Variants in PDE4B observed in about 807,000 individuals in gnomAD.
The protein encoded by PDE4B is phosphodiesterase 4B, also known as 3',5'-cyclic-AMP phosphodiesterase 4B.
Under a neutral mutation model 82.2 loss-of-function variants are expected in PDE4B, and 20 were observed. The observed-to-expected ratio is 0.24, with a 90% CI of 0.17 to 0.35. PDE4B has a LOEUF of 0.35. Ranked by LOEUF, PDE4B falls within the 10% of genes least tolerant of loss-of-function variation. The probability of loss-of-function intolerance (pLI) is 1.00; values close to 1 mark genes in which losing one functional copy is unlikely to be tolerated. For synonymous variants in PDE4B, 320 were observed against 318.9 expected (o/e 1.00, Z -0.04); for missense variants, 655 against 907.2 (o/e 0.72, Z 3.57).
chr1:65,828,339 G>A (rs1400215554), intron 1 of PDE4B, among the ~76,000 whole-genome samples: 5 of 152,008 alleles, frequency 3.3e-5, no homozygotes, highest in African/African-American at 9.7e-5. Flanking sequence ...TCTGCCTCCC[G>A]GTTTCAAGCC....
intron 1 of PDE4B, among the ~76,000 whole-genome samples, chr1:65,899,520 A>G (rs930752430): frequency 4.6e-5 from 7 of 151,726 alleles, no homozygotes; most frequent in East Asian, 1.9e-4. Flanking sequence ...ATACTTGCAC[A>G]TGCATGTTTA....
chr1:65,898,741 G>C (rs1477112855), intron 1 of PDE4B, among the ~76,000 whole-genome samples: 1 of 152,128 alleles, frequency 6.6e-6, no homozygotes, highest in Non-Finnish European at 1.5e-5. Flanking sequence ...AACAAAGGGT[G>C]CTGGGATAAT....
chr1:65,851,198 A>G (rs905647917), intron 1 of PDE4B, among the ~76,000 whole-genome samples: 10 of 152,164 alleles, frequency 6.6e-5, no homozygotes, highest in African/African-American at 2.4e-4. Context: ...TGCCAGTACC[A>G]TATTGTCTTG....
At chr1:66,187,493 T>A (rs1415109474) in intron 3 of PDE4B, among the ~76,000 whole-genome samples, 1 of 152,230 alleles carries the variant, frequency 6.6e-6, no homozygotes, top group Non-Finnish European at 1.5e-5. Flanking sequence ...AGCTATTGAT[T>A]ATTGCCACAA....
At chr1:65,908,030 A>G (rs1188414455) in intron 1 of PDE4B, among the ~76,000 whole-genome samples, 3 of 152,134 alleles carry the variant, frequency 2.0e-5, no homozygotes, top group Non-Finnish European at 2.9e-5. Context: ...TCTCATATAC[A>G]TAGACTCTAG....
At chr1:66,242,587 T>TG (rs1652970927) in intron 3 of PDE4B, among the ~76,000 whole-genome samples, 1 of 152,216 alleles carries the variant, frequency 6.6e-6, no homozygotes, top group African/African-American at 2.4e-5. Flanking sequence ...AATTGGAGTT[T>TG]GTGCAAGTAA....
chr1:66,299,110 C>A (rs928182711), intron 7 of PDE4B, among the ~76,000 whole-genome samples: 1 of 152,062 alleles, frequency 6.6e-6, no homozygotes, highest in Admixed American at 6.6e-5. Flanking sequence ...TAGCTTTGAA[C>A]GTATACAATA....
At chr1:66,002,156 T>C (rs928766601) in intron 3 of PDE4B, among the ~76,000 whole-genome samples, 1 of 151,970 alleles carries the variant, frequency 6.6e-6, no homozygotes, top group East Asian at 1.9e-4. Context: ...TATTGTCAAG[T>C]TTTTTTTAAA....
chr1:66,067,052 G>A (rs563482587), intron 3 of PDE4B, among the ~76,000 whole-genome samples: 1 of 151,812 alleles, frequency 6.6e-6, no homozygotes, highest in Non-Finnish European at 1.5e-5. Context: ...AAACCTATAA[G>A]ACACAGCAAC....
At chr1:66,108,288 T>G (rs780159965) in intron 3 of PDE4B, among the ~76,000 whole-genome samples, 3 of 151,914 alleles carry the variant, frequency 2.0e-5, no homozygotes, top group East Asian at 1.9e-4. Context: ...TGATTTCTTT[T>G]TTTTAGATTC....
chr1:65,912,604 TA>T (rs1296128327), intron 1 of PDE4B, among the ~76,000 whole-genome samples: 1 of 152,228 alleles, frequency 6.6e-6, no homozygotes, highest in Non-Finnish European at 1.5e-5. Context: ...ATTCAAGCTC[TA>T]ACTACCGGTT....
At chr1:66,236,084 C>T (rs955705670) in intron 3 of PDE4B, among the ~76,000 whole-genome samples, 2 of 152,102 alleles carry the variant, frequency 1.3e-5, no homozygotes, top group South Asian at 2.1e-4. Flanking sequence ...CTAAATTTAG[C>T]GGTTCATTAT....
intron 3 of PDE4B, among the ~76,000 whole-genome samples, chr1:66,233,113 G>A (rs534926230): frequency 1.3e-5 from 2 of 152,058 alleles, no homozygotes; most frequent in African/African-American, 4.8e-5. Flanking sequence ...GTTTCCCTTT[G>A]CAACCCCTCC....
chr1:66,205,219 C>A (rs1007330845), intron 3 of PDE4B, among the ~76,000 whole-genome samples: 1 of 152,184 alleles, frequency 6.6e-6, no homozygotes, highest in Non-Finnish European at 1.5e-5. Context: ...CAGGCTGGGG[C>A]AGAACAGTAA....
chr1:65,921,224 T>C (rs946764754), intron 3 of PDE4B, among the ~76,000 whole-genome samples: 7 of 151,972 alleles, frequency 4.6e-5, no homozygotes, highest in African/African-American at 1.7e-4. Context: ...CGCCTCGGCC[T>C]CCCAAAGTGC....
At position 65,798,307 on chromosome 1, in the gene PDE4B, G is replaced by A. The variant is rs1325458870; in HGVS notation, c.-71+5059G>A. Reference sequence around the variant, plus strand: ...CGCTCTGTCGCCCAGGTCGGACTGCGGACTGCAGTGGCGCAATCTCGGCTC... The same window carrying A: ...CGCTCTGTCGCCCAGGTCGGACTGCAGACTGCAGTGGCGCAATCTCGGCTC... On this transcript the variant is annotated intron_variant, in intron 1 of 16. Transcript: ENST00000341517. Among the ~76,000 whole-genome samples the A allele has an allele frequency of 3.3e-5, 2 of 61,534 alleles. 1 individual carries two copies. The highest frequency in any genetic ancestry group is 5.0e-5 in the Non-Finnish European group (2 of 39,846). The allele number at this position is 61,534 out of a possible 152,430, so 40.4% of individuals were successfully genotyped here. A position where few individuals can be genotyped will look rare whatever the true frequency, so the allele number is the denominator to read the frequency against.
intron 7 of PDE4B, among the ~76,000 whole-genome samples, chr1:66,284,542 G>T (rs757903163): frequency 6.6e-6 from 1 of 152,082 alleles, no homozygotes; most frequent in Admixed American, 6.6e-5. Context: ...CCTGTAGTTC[G>T]ATCTACTCAG....
At chr1:65,898,857 A>G (rs1646940038) in intron 1 of PDE4B, among the ~76,000 whole-genome samples, 1 of 152,044 alleles carries the variant, frequency 6.6e-6, no homozygotes, top group South Asian at 2.1e-4. Context: ...TAAAACTATA[A>G]AAATTCTAGA....
chr1:66,365,574 A>AG (rs1408293092), intron 12 of PDE4B, 93 bp from the exon 13 acceptor site: 1 of 578,114 alleles, frequency 1.7e-6, no homozygotes. Flanking sequence ...TCCCTCTCCC[A>AG]ACAAGAATAA....
Sources: allele counts gnomAD v4.1 joint callset (sites outside exome capture counted in the v4.1 genomes callset), GRCh38; gene constraint gnomAD v4.1.1; transcripts MANE v1.5; gene names NCBI Gene and HGNC (gene_info 2026-07-23, HGNC 2026-07-21).